GRK3: variants seen among roughly 807,000 people sequenced by gnomAD.
The protein encoded by GRK3 is adrenergic, beta, receptor kinase 2.
GRK3 carries 54 observed loss-of-function variants against 95.7 expected under a neutral mutation model. That is an observed-to-expected ratio of 0.56 (90% confidence interval 0.45 to 0.71). The LOEUF is 0.71. Ranked by LOEUF, GRK3 falls within the 30% of genes least tolerant of loss-of-function variation. GRK3 has a pLI of 0.00. For synonymous variants in GRK3, 281 were observed against 290.8 expected (o/e 0.97, Z 0.34); for missense variants, 649 against 851.2 (o/e 0.76, Z 2.96).
chr22:25,678,345 C>T (rs1334093589), intron 8 of GRK3, among the ~76,000 whole-genome samples: 1 of 152,100 alleles, frequency 6.6e-6, no homozygotes, highest in Non-Finnish European at 1.5e-5. Flanking sequence ...GTCCCAGCTA[C>T]TTGGAAGGCT....
At chr22:25,665,302 A>G (rs1037037474) in intron 5 of GRK3, among the ~76,000 whole-genome samples, 1 of 152,242 alleles carries the variant, frequency 6.6e-6, no homozygotes, top group Non-Finnish European at 1.5e-5. Flanking sequence ...GAGTGTCAGA[A>G]TTTCAGTTTT....
rs1333352191 is a variant in GRK3 at position 25,718,322 on chromosome 22, C to T, written c.1732C>T (p.Arg578Cys). ...AAACCCATTTCTGACTCAGTGGCAGCGTCGCTATTTTTACCTCTTTCCAAA... is the reference window on the plus strand; with the variant it reads ...AAACCCATTTCTGACTCAGTGGCAGTGTCGCTATTTTTACCTCTTTCCAAA... ...LGNPFLTQWQ[R>C]RYFYLFPNRL... Residue 578 changes from arginine (R) to cysteine (C), a missense_variant, in exon 19 of 21, where the codon CGT becomes TGT. Around this residue, in one of 3 missense-constraint regions of GRK3, gnomAD observed 382 missense variants for 493.8 expected, o/e 0.77. Coordinates refer to ENST00000324198, the MANE Select transcript of GRK3 (RefSeq NM_005160.4). 1.7e-5 allele frequency: 28 copies of T among 1,613,894 alleles called. No individual in the cohort carries two copies. Among genetic ancestry groups the T allele is most frequent in the Admixed American group, 3.3e-5 (2 of 59,988 alleles).
At chr22:25,644,135 G>A (rs935573251) in intron 2 of GRK3, among the ~76,000 whole-genome samples, 1 of 142,634 alleles carries the variant, frequency 7.0e-6, no homozygotes, top group Non-Finnish European at 1.5e-5. Flanking sequence ...GGGTTCTGGT[G>A]TTTTTTTTTT....
At chr22:25,702,730 G>A (rs1169947840) in intron 13 of GRK3, 1 of 440,514 alleles carries the variant, frequency 2.3e-6, no homozygotes, top group African/African-American at 2.0e-5. Flanking sequence ...AGTGGTTACT[G>A]TATTAGGTAC....
chr22:25,690,382 C>A (rs2085155988), intron 12 of GRK3, 99 bp downstream of exon 12: 13 of 843,538 alleles, frequency 1.5e-5, no homozygotes, highest in Non-Finnish European at 2.5e-5. Context: ...TGGTGATTTT[C>A]AATATGTCAG....
At chr22:25,675,694 A>G (rs1038341509) in intron 8 of GRK3, among the ~76,000 whole-genome samples, 3 of 152,224 alleles carry the variant, frequency 2.0e-5, no homozygotes, top group African/African-American at 7.2e-5. Context: ...GCCTCTGCTC[A>G]GGCACTTCCT....
intron 2 of GRK3, among the ~76,000 whole-genome samples, chr22:25,605,205 G>T (rs2084435973): frequency 6.6e-6 from 1 of 152,246 alleles, no homozygotes; most frequent in South Asian, 2.1e-4. Context: ...GTGGGGAAAA[G>T]GTGGACGGAG....
intron 8 of GRK3, 148 bp downstream of exon 8, chr22:25,674,676 G>A (rs552121500): frequency 1.6e-4 from 108 of 664,686 alleles, no homozygotes; most frequent in Non-Finnish European, 2.2e-4. Context: ...TAGGCCGGGC[G>A]TGGTGGCTCA....
At chr22:25,698,251 GGGAA>G (rs891434672) in intron 13 of GRK3, among the ~76,000 whole-genome samples, 2 of 150,704 alleles carry the variant, frequency 1.3e-5, no homozygotes, top group African/African-American at 2.4e-5. Flanking sequence ...AGGGAGAAAA[GGGAA>G]GGAAGGAAGG....
At chr22:25,677,503 A>T (rs1290931136) in intron 8 of GRK3, among the ~76,000 whole-genome samples, 1 of 152,136 alleles carries the variant, frequency 6.6e-6, no homozygotes. Context: ...AAAATAAGAT[A>T]TTTGAAGAAC....
At chr22:25,687,423 C>T (rs2085124548) in intron 10 of GRK3, 114 bp from the exon 11 acceptor site, 5 of 1,100,854 alleles carry the variant, frequency 4.5e-6, no homozygotes, top group Non-Finnish European at 6.5e-6. Flanking sequence ...GTATATAGAC[C>T]AAGCAGAAGC....
intron 12 of GRK3, among the ~76,000 whole-genome samples, chr22:25,693,721 C>G (rs1351351582): frequency 6.7e-6 from 1 of 148,740 alleles, no homozygotes; most frequent in African/African-American, 2.4e-5. Context: ...GATCCAGGAT[C>G]ATTTATTCTG....
intron 1 of GRK3, among the ~76,000 whole-genome samples, chr22:25,577,973 A>G (rs1192742846): frequency 6.6e-6 from 1 of 152,228 alleles, no homozygotes; most frequent in Non-Finnish European, 1.5e-5. Flanking sequence ...TTTCATATAA[A>G]CAATTATTTC....
At chr22:25,674,393 C>T in intron 7 of GRK3, 44 bp from the exon 8 acceptor site, 1 of 1,475,588 alleles carries the variant, frequency 6.8e-7, no homozygotes, top group Non-Finnish European at 9.4e-7. Flanking sequence ...AACACCATAG[C>T]TTTGTGTAAT....
Position 25,591,670 on chromosome 22 carries a change from A to C in GRK3, c.114-12707A>C, listed in dbSNP as rs149220764. On this transcript the variant is annotated intron_variant, in intron 1 of 20. Coordinates refer to ENST00000324198, the MANE Select transcript of GRK3 (RefSeq NM_005160.4). ...TCTGTGTCAGGAACCAGAGACAAAA[A>C]CTAAATATATTTTTTATTATACCAC... is the stretch of plus-strand genomic sequence containing the variant. Among the ~76,000 whole-genome samples, 253 of 152,300 alleles carry C rather than the reference A, an allele frequency of 1.7e-3. 3 individuals are homozygous for C. The East Asian group carries it at 0.02, about 12-fold the overall frequency.
chr22:25,704,053 T>C (rs2085279741), intron 14 of GRK3, 56 bp from the exon 15 acceptor site: 1 of 1,294,740 alleles, frequency 7.7e-7, no homozygotes, highest in East Asian at 2.3e-5. Context: ...TCTGGTTGAG[T>C]GTTAGGATGC....
intron 11 of GRK3, among the ~76,000 whole-genome samples, chr22:25,688,228 T>G (rs932375330): frequency 4.6e-5 from 6 of 130,762 alleles, no homozygotes; most frequent in Non-Finnish European, 9.5e-5. Flanking sequence ...AGAGCAAGAC[T>G]CTGTCTCAAA....
chr22:25,675,144 G>A (rs892455151), intron 8 of GRK3, among the ~76,000 whole-genome samples: 4 of 152,144 alleles, frequency 2.6e-5, no homozygotes, highest in African/African-American at 9.7e-5. Flanking sequence ...GTTACGTTCA[G>A]CCTCCCCATC....
At chr22:25,645,275 C>T (rs1392970431) in intron 3 of GRK3, among the ~76,000 whole-genome samples, 3 of 152,014 alleles carry the variant, frequency 2.0e-5, no homozygotes, top group East Asian at 1.9e-4. Flanking sequence ...ACAGAATGGG[C>T]GAGAGATGGA....
Sources: allele counts gnomAD v4.1 joint callset (sites outside exome capture counted in the v4.1 genomes callset), GRCh38; gene constraint gnomAD v4.1.1; regional missense constraint gnomAD v4.1.1; transcripts MANE v1.5; gene names NCBI Gene and HGNC (gene_info 2026-07-23, HGNC 2026-07-21).